Variants in CEP128 observed in about 807,000 individuals in gnomAD.
CEP128 encodes the protein centrosomal protein 128, also known as centrosomal protein 128kDa.
In CEP128, 132 loss-of-function variants were observed where a neutral mutation model predicts 156.7. The ratio of observed to expected loss-of-function variants is 0.84; its 90% CI spans 0.73 to 0.97. The LOEUF is 0.97. Among genes scored for constraint, CEP128 ranks in the 50% least tolerant of loss-of-function variants. The probability of loss-of-function intolerance (pLI) is 0.00; values close to 1 mark genes in which losing one functional copy is unlikely to be tolerated. For missense variants in CEP128, 1,252 were observed against 1,281.9 expected, an observed-to-expected ratio of 0.98 and a Z score of 0.36; for synonymous variants, 469 against 448.9, an observed-to-expected ratio of 1.04 and a Z score of -0.57.
At chr14:80,596,596 C>A (rs1275628386) in intron 19 of CEP128, among the ~76,000 whole-genome samples, 2 of 151,652 alleles carry the variant, frequency 1.3e-5, no homozygotes, top group Non-Finnish European at 2.9e-5. Context: ...ATCACTTGAG[C>A]CCGGAAGGTT....
In CEP128 at chr14:80,704,327, T is replaced by C. The variant is rs139005885; in HGVS notation, c.2806+38748A>G. 2.4e-3 allele frequency among the ~76,000 whole-genome samples: 364 copies of C among 152,098 alleles called. 2 individuals are homozygous for C. The highest frequency in any genetic ancestry group is 4.5e-3 in the Non-Finnish European group (306 of 67,934). On this transcript the variant is annotated intron_variant, in intron 19 of 24. Transcript: ENST00000555265. Reference sequence around the variant, plus strand: ...AGCCAAAAGAATATTCAAACTAAATTTTCTAAAAGAAGAAAAGATGCAACA... The same window carrying C: ...AGCCAAAAGAATATTCAAACTAAATCTTCTAAAAGAAGAAAAGATGCAACA...
At chr14:80,779,725 G>A (rs754191283) in intron 15 of CEP128, among the ~76,000 whole-genome samples, 6 of 152,136 alleles carry the variant, frequency 3.9e-5, no homozygotes, top group South Asian at 2.1e-4. Context: ...TCCACCCACC[G>A]GAAGCCTGTT....
intron 19 of CEP128, among the ~76,000 whole-genome samples, chr14:80,641,987 G>A (rs1025369683): frequency 6.7e-6 from 1 of 149,740 alleles, no homozygotes; most frequent in East Asian, 2.0e-4. Context: ...CTACTCCGGA[G>A]GCTGAGGCAG....
Position 80,774,637 on chromosome 14 carries a change from A to ATG in CEP128, c.2376+3243_2376+3244dup, listed in dbSNP as rs151337408. ...TGTGTGTGTGTGTGCGTGTGTGTGT[A>ATG]TGTGTGTGTGTGTGTATACACACAT... is the stretch of plus-strand genomic sequence containing the variant. On this transcript the variant is annotated intron_variant, in intron 16 of 24. Transcript: ENST00000555265. Among the ~76,000 whole-genome samples, 580 of 150,554 alleles carry ATG rather than the reference A, an allele frequency of 3.9e-3. 3 individuals carry two copies. Among genetic ancestry groups the ATG allele is most frequent in the African/African-American group, 0.012 (512 of 41,076 alleles).
At chr14:80,891,429 A>G (rs955265726) in intron 8 of CEP128, among the ~76,000 whole-genome samples, 1 of 152,092 alleles carries the variant, frequency 6.6e-6, no homozygotes, top group Non-Finnish European at 1.5e-5. Flanking sequence ...TGAGGCCATT[A>G]TGTTAAGTGA....
intron 19 of CEP128, among the ~76,000 whole-genome samples, chr14:80,704,369 A>G (rs1197381): frequency 0.63 from 95,996 of 151,900 alleles, 32,615 homozygotes; most frequent in African/African-American, 0.89. Flanking sequence ...ATATAAAATG[A>G]AGGATTTAGT....
chr14:80,604,563 C>A (rs1170019778), intron 19 of CEP128, among the ~76,000 whole-genome samples: 1 of 152,134 alleles, frequency 6.6e-6, no homozygotes, highest in Admixed American at 6.6e-5. Flanking sequence ...ACTACATAGA[C>A]AATATATAAC....
At chr14:80,479,810 C>A (rs560018305) in intron 14 of CEP128, among the ~76,000 whole-genome samples, 1 of 152,204 alleles carries the variant, frequency 6.6e-6, no homozygotes, top group Admixed American at 6.5e-5. Context: ...AAGCCCCTTA[C>A]ACGTATGAGC....
intron 12 of CEP128, among the ~76,000 whole-genome samples, chr14:80,834,700 T>TA (rs769384742): frequency 1.6e-4 from 24 of 152,250 alleles, no homozygotes; most frequent in Non-Finnish European, 3.1e-4. Context: ...TATCAAAACA[T>TA]AAAAAATGTG....
At chr14:80,690,163 T>C (rs893998213) in intron 19 of CEP128, among the ~76,000 whole-genome samples, 2 of 151,288 alleles carry the variant, frequency 1.3e-5, no homozygotes, top group Admixed American at 6.6e-5. Context: ...TCTCAGCCCT[T>C]TGGGAGGCTG....
In CEP128 at chr14:80,497,157, A is replaced by G. The variant is rs998290084; in HGVS notation, c.*322T>C. ...AGCCAGTAATTTTTAAAAGGCCTCA[A>G]TTAGAAATCCAAATTTTGGTTGGGA... On this transcript the variant is annotated 3_prime_UTR_variant, in exon 25 of 25. Coordinates refer to ENST00000555265, the MANE Select transcript of CEP128 (RefSeq NM_152446.5). 1.1e-5 allele frequency: 2 copies of G among 175,968 alleles called. No individual in the cohort carries two copies. The highest frequency in any genetic ancestry group is 1.5e-4 in the East Asian group (1 of 6,614). 10.9% of individuals were successfully genotyped at this position (175,968 alleles called of 1,614,324 possible). A position where few individuals can be genotyped will look rare whatever the true frequency, so the allele number is the denominator to read the frequency against.
At chr14:80,709,427 T>TG (rs1897326296) in intron 19 of CEP128, among the ~76,000 whole-genome samples, 1 of 152,178 alleles carries the variant, frequency 6.6e-6, no homozygotes, top group African/African-American at 2.4e-5. Flanking sequence ...CATGAGCCAC[T>TG]GCACCCAGCC....
At chr14:80,938,183 C>G (rs1190238672) in intron 2 of CEP128, among the ~76,000 whole-genome samples, 1 of 151,506 alleles carries the variant, frequency 6.6e-6, no homozygotes, top group East Asian at 1.9e-4. Context: ...AGGCATGAGT[C>G]AATGCACCTG....
intron 23 of CEP128, among the ~76,000 whole-genome samples, chr14:80,509,070 CT>C (rs1888122565): frequency 6.6e-6 from 1 of 152,144 alleles, no homozygotes; most frequent in South Asian, 2.1e-4. Context: ...ACCATCAGAT[CT>C]TGTGAGAACT....
At chr14:80,816,036 C>A (rs887901165) in intron 13 of CEP128, among the ~76,000 whole-genome samples, 13 of 151,638 alleles carry the variant, frequency 8.6e-5, no homozygotes, top group Non-Finnish European at 1.6e-4. Flanking sequence ...AAAAAAAAAA[C>A]CCAGACTTCA....
chr14:80,666,933 C>T (rs1210224230), intron 19 of CEP128, among the ~76,000 whole-genome samples: 1 of 152,074 alleles, frequency 6.6e-6, no homozygotes. Flanking sequence ...CTTTGACTGT[C>T]CGTCTTTGTT....
chr14:80,649,445 TG>T (rs1352174027), intron 19 of CEP128, among the ~76,000 whole-genome samples: 1 of 151,882 alleles, frequency 6.6e-6, no homozygotes, highest in Non-Finnish European at 1.5e-5. Flanking sequence ...AAAAGAATGC[TG>T]AGTGAATAAA....
chr14:80,797,179 C>T (rs1233660136), intron 13 of CEP128, among the ~76,000 whole-genome samples: 1 of 152,174 alleles, frequency 6.6e-6, no homozygotes, highest in Admixed American at 6.5e-5. Flanking sequence ...ATTTAATCTT[C>T]TGTAACTACA....
intron 9 of CEP128, among the ~76,000 whole-genome samples, chr14:80,853,646 T>C (rs1462152335): frequency 6.6e-6 from 1 of 151,954 alleles, no homozygotes; most frequent in Non-Finnish European, 1.5e-5. Context: ...GAAAAGACCT[T>C]CTCTTTAAAT....
Sources: allele counts gnomAD v4.1 joint callset (sites outside exome capture counted in the v4.1 genomes callset), GRCh38; gene constraint gnomAD v4.1.1; transcripts MANE v1.5; gene names NCBI Gene and HGNC (gene_info 2026-07-23, HGNC 2026-07-21).